FAM185A: variants seen among roughly 807,000 people sequenced by gnomAD.
FAM185A encodes protein FAM185A.
Under a neutral mutation model 45.7 loss-of-function variants are expected in FAM185A, and 21 were observed. The observed-to-expected ratio is 0.46, with a 90% confidence interval of 0.33 to 0.66. The LOEUF (loss-of-function observed/expected upper bound fraction) is 0.66. FAM185A is among the 30% of genes least tolerant of loss of function. The pLI is 0.03. For synonymous variants in FAM185A, 117 were observed against 194.0 expected, an observed-to-expected ratio of 0.60 and a Z score of 3.30; for missense variants, 305 against 485.4, an observed-to-expected ratio of 0.63 and a Z score of 3.49.
At chr7:102,823,876 T>C in the FAM185A span, among the ~76,000 whole-genome samples, 1 of 152,172 alleles carries the variant, frequency 6.6e-6, no homozygotes, top group Non-Finnish European at 1.5e-5. Context: ...TTAAACATTA[T>C]AACTGACTCT....
the FAM185A span, among the ~76,000 whole-genome samples, chr7:102,819,053 T>C: frequency 3.9e-5 from 6 of 152,162 alleles, no homozygotes; most frequent in Non-Finnish European, 7.3e-5. Context: ...ACATGCGTTA[T>C]TTGGTTTTCT....
At chr7:102,773,785 C>G (rs1263071705) in intron 5 of FAM185A, among the ~76,000 whole-genome samples, 1 of 152,050 alleles carries the variant, frequency 6.6e-6, no homozygotes, top group Non-Finnish European at 1.5e-5. Flanking sequence ...TGATGGATTA[C>G]TTTAGCATCC....
intron 7 of FAM185A, among the ~76,000 whole-genome samples, chr7:102,803,084 C>A (rs1796889778): frequency 6.6e-6 from 1 of 151,588 alleles, no homozygotes; most frequent in Admixed American, 6.6e-5. Context: ...TGATTCATAG[C>A]AGAATTCTAC....
At chr7:102,801,933 A>G (rs1183118447) in intron 7 of FAM185A, among the ~76,000 whole-genome samples, 1 of 152,238 alleles carries the variant, frequency 6.6e-6, no homozygotes, top group East Asian at 1.9e-4. Context: ...AAAAAAAAAA[A>G]AAATACAAAG....
At chr7:102,775,520 T>TA (rs1321768892) in intron 5 of FAM185A, among the ~76,000 whole-genome samples, 6 of 152,308 alleles carry the variant, frequency 3.9e-5, no homozygotes, top group Middle Eastern at 3.4e-3. Flanking sequence ...GGATGAGCCA[T>TA]CATTAGAGAT....
chr7:102,783,266 T>G (rs1423097081), intron 6 of FAM185A, among the ~76,000 whole-genome samples: 1 of 151,952 alleles, frequency 6.6e-6, no homozygotes, highest in Non-Finnish European at 1.5e-5. Flanking sequence ...ACAAGGATAT[T>G]CAGGAATTGA....
chr7:102,837,670 C>T, the FAM185A span, among the ~76,000 whole-genome samples: 1 of 152,166 alleles, frequency 6.6e-6, no homozygotes, highest in South Asian at 2.1e-4. Flanking sequence ...ATCCTTCTAC[C>T]TCAGCCTTCC....
chr7:102,758,336 C>T (rs1260481335), intron 3 of FAM185A, among the ~76,000 whole-genome samples: 1 of 150,990 alleles, frequency 6.6e-6, no homozygotes, highest in Non-Finnish European at 1.5e-5. Flanking sequence ...TTTACTTCGC[C>T]CTTAGGCAAA....
Position 102,796,231 on chromosome 7 carries a change from G to A in FAM185A, c.1066+8762G>A, listed in dbSNP as rs1208084303. The stretch of plus-strand genomic sequence containing the variant: ...GACTGGGGGCCACAAGACCAGATGA[G>A]CCAGCTTATCAATCTGGGTTATGCC... On this transcript the variant is annotated intron_variant, in intron 7 of 7. Coordinates refer to ENST00000413034, the MANE Select transcript of FAM185A (RefSeq NM_001145268.2). Among the ~76,000 whole-genome samples, 3 of 152,172 alleles carry A rather than the reference G, an allele frequency of 2.0e-5. No homozygotes were observed. In the South Asian group the frequency reaches 6.2e-4, roughly 32 times the overall value.
intron 4 of FAM185A, among the ~76,000 whole-genome samples, chr7:102,771,701 G>A (rs1375414524): frequency 1.3e-5 from 2 of 152,080 alleles, no homozygotes. Flanking sequence ...ATTTTCAGTA[G>A]AATAAATATG....
At chr7:102,780,192 A>G (rs1249982870) in intron 6 of FAM185A, among the ~76,000 whole-genome samples, 1 of 152,158 alleles carries the variant, frequency 6.6e-6, no homozygotes, top group Non-Finnish European at 1.5e-5. Flanking sequence ...ACCACGACCC[A>G]TAAGTAAATG....
the FAM185A span, among the ~76,000 whole-genome samples, chr7:102,836,878 G>A: frequency 6.6e-6 from 1 of 152,152 alleles, no homozygotes; most frequent in Admixed American, 6.5e-5. Flanking sequence ...AGCTCACTTC[G>A]TGTTGCATAC....
At chr7:102,834,077 GA>G in the FAM185A span, among the ~76,000 whole-genome samples, 1 of 109,678 alleles carries the variant, frequency 9.1e-6, no homozygotes, top group Non-Finnish European at 1.7e-5. Flanking sequence ...AGGAAGGAAG[GA>G]AGGAAAGAAA....
chr7:102,801,665 C>T (rs1464395715), intron 7 of FAM185A, among the ~76,000 whole-genome samples: 1 of 152,178 alleles, frequency 6.6e-6, no homozygotes, highest in Non-Finnish European at 1.5e-5. Context: ...TGGCTCATGC[C>T]TATAATCCCA....
At chr7:102,798,301 A>C (rs183908785) in intron 7 of FAM185A, among the ~76,000 whole-genome samples, 2 of 152,370 alleles carry the variant, frequency 1.3e-5, no homozygotes, top group East Asian at 3.9e-4. Flanking sequence ...AACTTTACAA[A>C]TTATTAATAG....
chr7:102,752,505 C>T (rs1369915690), intron 2 of FAM185A, among the ~76,000 whole-genome samples: 1 of 151,510 alleles, frequency 6.6e-6, no homozygotes, highest in Non-Finnish European at 1.5e-5. Flanking sequence ...CTCCTGACCT[C>T]GTGATCCGCC....
chr7:102,847,175 C>T, the FAM185A span, among the ~76,000 whole-genome samples: 1 of 150,888 alleles, frequency 6.6e-6, no homozygotes. Context: ...AAGCCTAAAA[C>T]AGAAACTACC....
At chr7:102,808,243 G>T (rs990920103) in intron 7 of FAM185A, 47 bp from the exon 8 acceptor site, 1 of 1,191,588 alleles carries the variant, frequency 8.4e-7, no homozygotes, top group Non-Finnish European at 1.2e-6. Context: ...GGATCTATGT[G>T]GTCAATTAAT....
intron 7 of FAM185A, among the ~76,000 whole-genome samples, chr7:102,799,908 C>T (rs990190002): frequency 2.6e-5 from 4 of 151,694 alleles, no homozygotes; most frequent in African/African-American, 9.7e-5. Context: ...TGTAGAGGCT[C>T]GCGTCATGAA....
Sources: gnomAD v4.1 joint callset for allele counts (sites outside exome capture counted in the v4.1 genomes callset) on GRCh38, gnomAD v4.1.1 for gene constraint, MANE v1.5 for transcripts, NCBI Gene and HGNC (gene_info 2026-07-23, HGNC 2026-07-21) for gene names.